UGT1A5: variants seen among roughly 807,000 people sequenced by gnomAD.
UGT1A5 encodes the protein UDP glucuronosyltransferase family 1 member A5.
UGT1A5 carries 29 observed loss-of-function variants against 40.3 expected under a neutral mutation model. That is an observed-to-expected ratio of 0.72 (90% CI 0.54 to 0.98). UGT1A5 has a LOEUF of 0.98. Ranked by LOEUF, UGT1A5 falls within the 50% of genes least tolerant of loss-of-function variation. The probability of loss-of-function intolerance (pLI) is 0.00; values close to 1 mark genes in which losing one functional copy is unlikely to be tolerated. For synonymous variants in UGT1A5, 257 were observed against 262.5 expected, an observed-to-expected ratio of 0.98 and a Z score of 0.20; for missense variants, 678 against 677.9, an observed-to-expected ratio of 1.00 and a Z score of 0.00.
At chr2:233,758,946 A>G (rs1697025416) in intron 1 of UGT1A5, among the ~76,000 whole-genome samples, 3 of 152,254 alleles carry the variant, frequency 2.0e-5, no homozygotes, top group Admixed American at 1.3e-4. Flanking sequence ...ATCAGTCATC[A>G]GAATTTCCCC....
intron 1 of UGT1A5, among the ~76,000 whole-genome samples, chr2:233,733,802 G>A (rs2078438664): frequency 6.6e-6 from 1 of 152,152 alleles, no homozygotes; most frequent in African/African-American, 2.4e-5. Flanking sequence ...TTTGGTATCA[G>A]GATGATGCTG....
rs1302197781 is a variant in UGT1A5, at chr2:233,744,044, A to G, written c.868-22990A>G. ...GAGACGCCCCTTATGACGCAGCCAC[A>G]TCTCATTGGTCGAGGCCTATGAGCG... is the stretch of plus-strand genomic sequence containing the variant. On this transcript the variant is annotated intron_variant, in intron 1 of 4. Coordinates refer to ENST00000373414, the MANE Select transcript of UGT1A5 (RefSeq NM_019078.2). 3 of 731,946 alleles carry G rather than the reference A, an allele frequency of 4.1e-6. No homozygotes were observed. In the Admixed American group the frequency reaches 1.1e-4, roughly 26 times the overall value. The allele number at this position is 731,946 out of a possible 1,614,324, so 45.3% of individuals were successfully genotyped here. A position where few individuals can be genotyped will look rare whatever the true frequency, so the allele number is the denominator to read the frequency against.
chr2:233,717,924 T>C (rs776585493), intron 1 of UGT1A5: 6 of 454,714 alleles, frequency 1.3e-5, no homozygotes, highest in South Asian at 3.1e-5. Context: ...GATGAATGGA[T>C]ACTTCAGTCT....
chr2:233,769,857 C>CA lies in UGT1A5; in HGVS notation c.1307+1435dup, dbSNP rs879204025. On this transcript the variant is annotated intron_variant, in intron 4 of 4. Coordinates refer to ENST00000373414, the MANE Select transcript of UGT1A5 (RefSeq NM_019078.2). This position sits in a 1 kb window ranked among gnomAD's most constrained non-coding sequence, Gnocchi z 4.4. ...TGGGCAACAGAGTGAGACCCTGTCT[C>CA]AAAAAAAAAAAAAAAAATGAAAAGT... The CA allele has an allele frequency of 0.16, 34,791 of 223,900 alleles. 2,719 individuals are homozygous for CA. Among genetic ancestry groups the CA allele is most frequent in the African/African-American group, 0.37 (13,208 of 35,902 alleles). 13.9% of individuals were successfully genotyped at this position (223,900 alleles called of 1,614,324 possible).
rs1400065654 is a variant in UGT1A5 at position 233,732,845 on chromosome 2, G to C, written c.867+18987G>C. 4.2e-5 allele frequency among the ~76,000 whole-genome samples: 5 copies of C among 119,428 alleles called. No individual in the cohort carries two copies. The East Asian group carries it at 1.3e-3, about 30-fold the overall frequency. 78.3% of individuals were successfully genotyped at this position (119,428 alleles called of 152,430 possible). A position where few individuals can be genotyped will look rare whatever the true frequency, so the allele number is the denominator to read the frequency against. On this transcript the variant is annotated intron_variant, in intron 1 of 4. Coordinates refer to ENST00000373414, the MANE Select transcript of UGT1A5 (RefSeq NM_019078.2). ...CTTTAAAGTAGTTTTTTCCAATTTTGTGAAGTCATTGGTAGCTTGATGGGT... is the reference window on the plus strand; with the variant it reads ...CTTTAAAGTAGTTTTTTCCAATTTTCTGAAGTCATTGGTAGCTTGATGGGT...
At chr2:233,746,121 A>T (rs1693307718) in intron 1 of UGT1A5, among the ~76,000 whole-genome samples, 1 of 151,800 alleles carries the variant, frequency 6.6e-6, no homozygotes, top group Non-Finnish European at 1.5e-5. Context: ...TGTCTGCAAA[A>T]CTGTGGACTG....
At chr2:233,738,830 G>A (rs1258075165) in intron 1 of UGT1A5, 1 of 152,196 alleles carries the variant, frequency 6.6e-6, no homozygotes, top group African/African-American at 2.4e-5. Context: ...AAATAAGGAG[G>A]AACCAAATGT....
chr2:233,726,566 C>G (rs772348074), intron 1 of UGT1A5, among the ~76,000 whole-genome samples: 4 of 152,178 alleles, frequency 2.6e-5, no homozygotes, highest in African/African-American at 2.4e-5. Flanking sequence ...CCCACTCTTA[C>G]GCCTGTCTCC....
At chr2:233,767,317 G>A in intron 2 of UGT1A5, 152 bp downstream of exon 2, 4 of 1,492,088 alleles carry the variant, frequency 2.7e-6, no homozygotes, top group Non-Finnish European at 3.5e-6. Flanking sequence ...TTTTTTTGTT[G>A]TTGTGGTTGT....
In UGT1A5 at chr2:233,719,687, G is replaced by A. The variant is rs769294499; in HGVS notation, c.867+5829G>A. On this transcript the variant is annotated intron_variant, in intron 1 of 4. Coordinates refer to ENST00000373414, the MANE Select transcript of UGT1A5 (RefSeq NM_019078.2). ...GTGCCAACGGGAAGCCACTATCTCA[G>A]GTCTGTATTGGTGCCTTCATCCAAT... 1.5e-5 allele frequency: 25 copies of A among 1,613,862 alleles called. No homozygotes were observed. The African/African-American group carries it at 2.7e-4, about 17-fold the overall frequency.
chr2:233,763,116 C>G lies in UGT1A5; in HGVS notation c.868-3918C>G, dbSNP rs565550780. On this transcript the variant is annotated intron_variant, in intron 1 of 4. Transcript: ENST00000373414. ...GAGAGGCACCGAACTTTATCAGCTG[C>G]CTTTCTGGCATTTATTGATATAACC... Among the ~76,000 whole-genome samples, 8 of 152,296 alleles carry G rather than the reference C, an allele frequency of 5.3e-5. No individual in the cohort carries two copies. The South Asian group carries it at 8.3e-4, about 16-fold the overall frequency.
At chr2:233,734,096 T>G (rs1379771064) in intron 1 of UGT1A5, among the ~76,000 whole-genome samples, 5 of 151,518 alleles carry the variant, frequency 3.3e-5, no homozygotes, top group African/African-American at 9.8e-5. Context: ...CCCTAAAACT[T>G]AAAGTATAAT....
rs374192063 is a variant in UGT1A5, at chr2:233,743,919, T to C, written c.868-23115T>C. On this transcript the variant is annotated intron_variant, in intron 1 of 4. Coordinates refer to ENST00000373414, the MANE Select transcript of UGT1A5 (RefSeq NM_019078.2). ...AGCACCTCGTAGTAGTCCACCATGC[T>C]GGATGGCCAGAACGGCCCACCAGGC... The C allele has an allele frequency of 3.5e-4, 473 of 1,363,952 alleles. 9 individuals are homozygous for C. The highest frequency in any genetic ancestry group is 2.5e-3 in the African/African-American group (172 of 67,460). 84.5% of individuals were successfully genotyped at this position (1,363,952 alleles called of 1,614,324 possible).
intron 1 of UGT1A5, chr2:233,748,023 C>T: frequency 6.2e-7 from 1 of 1,613,520 alleles, no homozygotes; most frequent in Non-Finnish European, 8.5e-7. Context: ...GCCGATCATG[C>T]CCAACATGGT....
At chr2:233,770,651 C>A (rs1700124792) in intron 4 of UGT1A5, 1 of 150,460 alleles carries the variant, frequency 6.6e-6, no homozygotes, top group Middle Eastern at 3.2e-3. Context: ...GAGTGAGACT[C>A]CGTCTTACTT....
intron 1 of UGT1A5, among the ~76,000 whole-genome samples, chr2:233,724,475 T>C (rs568755731): frequency 9.3e-4 from 64 of 68,704 alleles, no homozygotes; most frequent in Middle Eastern, 7.8e-3. Flanking sequence ...GGCTCCTCAC[T>C]TCTCAGACGG....
intron 1 of UGT1A5, chr2:233,747,461 A>G (rs1413279224): frequency 3.7e-5 from 60 of 1,608,752 alleles, no homozygotes; most frequent in Admixed American, 5.0e-5. Flanking sequence ...ATGCCATTTC[A>G]TGGACCCAGG....
chr2:233,717,108 A>C (rs1447260026), intron 1 of UGT1A5, among the ~76,000 whole-genome samples: 3 of 152,264 alleles, frequency 2.0e-5, no homozygotes, highest in East Asian at 3.9e-4. Context: ...TCTAAATAAA[A>C]CACCACTACA....
intron 1 of UGT1A5, among the ~76,000 whole-genome samples, chr2:233,752,885 GC>G (rs1406644444): frequency 1.3e-5 from 2 of 152,174 alleles, no homozygotes; most frequent in Non-Finnish European, 2.9e-5. Context: ...GTTAAAACTA[GC>G]CAGCGTTGTT....
Sources: allele counts gnomAD v4.1 joint callset (sites outside exome capture counted in the v4.1 genomes callset), GRCh38; gene constraint gnomAD v4.1.1; non-coding constraint Gnocchi (gnomAD v3.1); transcripts MANE v1.5; gene names NCBI Gene and HGNC (gene_info 2026-07-23, HGNC 2026-07-21).